Variants in ESS2 observed in about 807,000 individuals in gnomAD.
The protein encoded by ESS2 is ess-2 spliceosome associated protein, also known as splicing factor ESS-2 homolog.
ESS2 carries 31 observed loss-of-function variants against 52.0 expected under a neutral mutation model. That is an observed-to-expected ratio of 0.60 (90% CI 0.45 to 0.81). ESS2 has a LOEUF of 0.81. Among genes scored for constraint, ESS2 ranks in the 30% least tolerant of loss-of-function variants. The pLI, the probability that ESS2 is intolerant of heterozygous loss-of-function variation, is 0.00. For synonymous variants in ESS2, 285 were observed against 259.2 expected (o/e 1.10, Z -0.95); for missense variants, 602 against 637.2 (o/e 0.94, Z 0.59).
Position 19,139,059 on chromosome 22 carries a change from C to T in ESS2, c.822+100G>A, listed in dbSNP as rs115990583. ...ACAGGGCCCCAGATGGTTCCACTCACTGAGCTCTGCCAAGCTCAAAGAGAT... is the reference window on the plus strand; with the variant it reads ...ACAGGGCCCCAGATGGTTCCACTCATTGAGCTCTGCCAAGCTCAAAGAGAT... On this transcript the variant is annotated intron_variant, in intron 6 of 9. Coordinates refer to ENST00000252137, the MANE Select transcript of ESS2 (RefSeq NM_022719.3). 3.1e-3 allele frequency: 4,477 copies of T among 1,445,806 alleles called. 119 individuals are homozygous for T. In the African/African-American group the frequency reaches 0.057, roughly 18 times the overall value. The allele number at this position is 1,445,806 out of a possible 1,614,324, so 89.6% of individuals were successfully genotyped here.
intron 1 of ESS2, among the ~76,000 whole-genome samples, chr22:19,143,593 C>T (rs934179065): frequency 7.9e-5 from 12 of 152,210 alleles, no homozygotes; most frequent in African/African-American, 4.8e-5. Context: ...TGGTAGCTCA[C>T]GCCTGTAATC....
Position 19,134,043 on chromosome 22 carries a change from GGCCCCAGCACA to G in ESS2, c.*142_*152del. Reference sequence around the variant, plus strand: ...GGGCACGAGTGCCTTGTGCCAGTCTGGCCCCAGCACAGCCCCTTTCTCCAGTGACTCCTGGT... The same window carrying G: ...GGGCACGAGTGCCTTGTGCCAGTCTGGCCCCTTTCTCCAGTGACTCCTGGT... On this transcript the variant is annotated 3_prime_UTR_variant, in exon 10 of 10. Transcript: ENST00000252137. 1.1e-6 allele frequency: 1 copy of G among 943,796 alleles called. No homozygotes were observed. 58.5% of individuals were successfully genotyped at this position (943,796 alleles called of 1,614,324 possible).
chr22:19,138,373 G>T, intron 6 of ESS2, 56 bp from the exon 7 acceptor site: 2 of 1,509,258 alleles, frequency 1.3e-6, no homozygotes, highest in Non-Finnish European at 1.8e-6. Context: ...CTCGACAGCT[G>T]GCCGGTGGGC....
rs1236250422 is a variant in ESS2, at chr22:19,130,819, G to T, written c.*3377C>A. Reference sequence around the variant, plus strand: ...ATTTAACTATGTGCTCAATGGTAAGGCAGTGCTGTGGAAATCTGTCTGTGT... The same window carrying T: ...ATTTAACTATGTGCTCAATGGTAAGTCAGTGCTGTGGAAATCTGTCTGTGT... On this transcript the variant is annotated 3_prime_UTR_variant, in exon 10 of 10. Transcript: ENST00000252137. The T allele has an allele frequency of 4.6e-5, 9 of 196,048 alleles. No homozygotes were observed. The allele number at this position is 196,048 out of a possible 1,614,324, so 12.1% of individuals were successfully genotyped here.
intron 8 of ESS2, among the ~76,000 whole-genome samples, chr22:19,137,035 C>T (rs376115228): frequency 6.6e-6 from 1 of 152,152 alleles, no homozygotes; most frequent in African/African-American, 2.4e-5. Context: ...GAGCTCCTCA[C>T]GTGTCTGTGA....
chr22:19,139,763 A>G, intron 4 of ESS2, 34 bp from the exon 5 acceptor site: 1 of 1,614,008 alleles, frequency 6.2e-7, no homozygotes, highest in Non-Finnish European at 8.5e-7. Flanking sequence ...ATGGTCAGAG[A>G]TGCCCCTGGG....
chr22:19,138,012 G>C (rs545652593), intron 7 of ESS2: 39 of 985,420 alleles, frequency 4.0e-5, no homozygotes, highest in Non-Finnish European at 4.6e-5. Context: ...AGGTCTGCCT[G>C]AGAGTCCAGC....
intron 4 of ESS2, 43 bp from the exon 5 acceptor site, chr22:19,139,772 G>C: frequency 6.2e-7 from 1 of 1,613,900 alleles, no homozygotes; most frequent in Non-Finnish European, 8.5e-7. Flanking sequence ...GATGCCCCTG[G>C]GCATTGTACC....
In ESS2 at chr22:19,142,647, G is replaced by T. The variant is rs558370472; in HGVS notation, c.305-14C>A. ...CTGGAGTCACATCTAGGGGAAGAGA[G>T]GGGGATAAGAATTAGAGTGAGCCTG... On this transcript the variant is annotated splice_polypyrimidine_tract_variant and intron_variant, in intron 2 of 9. Coordinates refer to ENST00000252137, the MANE Select transcript of ESS2 (RefSeq NM_022719.3). 556 of 1,611,426 alleles carry T rather than the reference G, an allele frequency of 3.5e-4. 6 individuals are homozygous for T. In the South Asian group the frequency reaches 5.6e-3, roughly 16 times the overall value.
Position 19,132,481 on chromosome 22 carries a change from A to G in ESS2, c.*1715T>C, listed in dbSNP as rs1272574833. 3 of 1,602,958 alleles carry G rather than the reference A, an allele frequency of 1.9e-6. No homozygotes were observed. Among genetic ancestry groups the G allele is most frequent in the Admixed American group, 1.7e-5 (1 of 59,390 alleles). ...GTGGGGAAAGCAAGCACCTAGCATG[A>G]CAATGGCCCCGTTGTGTGTGGTGGG... is the stretch of plus-strand genomic sequence containing the variant. On this transcript the variant is annotated 3_prime_UTR_variant, in exon 10 of 10. Transcript: ENST00000252137. The surrounding 1 kb of genome is among the most constrained non-coding windows in gnomAD (Gnocchi z 4.2).
chr22:19,138,186 AC>A, intron 7 of ESS2, 28 bp downstream of exon 7: 2 of 1,610,728 alleles, frequency 1.2e-6, no homozygotes, highest in Non-Finnish European at 1.7e-6. Context: ...CCAGCAGTAG[AC>A]CCACTTGCCA....
rs1052756 is a variant in ESS2 at position 19,132,173 on chromosome 22, C to T, written c.*2023G>A. On this transcript the variant is annotated 3_prime_UTR_variant, in exon 10 of 10. Transcript: ENST00000252137. The surrounding 1 kb of genome is among the most constrained non-coding windows in gnomAD (Gnocchi z 4.2). ...ACCGCATGCTGCAGCCCGACGTCAG[C>T]CAGCGGCTCCACATCGATGAGATCC... The T allele has an allele frequency of 0.17, 277,503 of 1,612,760 alleles. 25,300 individuals are homozygous for T. Among genetic ancestry groups the T allele is most frequent in the South Asian group, 0.27 (24,614 of 91,036 alleles).
Position 19,142,881 on chromosome 22 carries a change from A to G in ESS2, c.149T>C (p.Val50Ala), listed in dbSNP as rs1305839151. 6.2e-7 allele frequency: 1 copy of G among 1,613,540 alleles called. No individual in the cohort carries two copies. The highest frequency in any genetic ancestry group is 8.5e-7 in the Non-Finnish European group (1 of 1,179,818). Reference sequence around the variant, plus strand: ...ATCAGGAAAGAAATCCCTTTGGATGACCGTCTGGAGGCCCTGCAAGGAGAG... The same window carrying G: ...ATCAGGAAAGAAATCCCTTTGGATGGCCGTCTGGAGGCCCTGCAAGGAGAG... ...EEEYIEGLQTVIQRDFFPDVE... is the reference protein window; with the variant it reads ...EEEYIEGLQTAIQRDFFPDVE... The change falls in exon 2 of 10, where the codon GTC (valine) becomes GCC (alanine). Residue 50 changes from valine to alanine, a missense_variant. Transcript: ENST00000252137.
At chr22:19,136,685 C>A (rs192649666) in intron 8 of ESS2, among the ~76,000 whole-genome samples, 1 of 152,280 alleles carries the variant, frequency 6.6e-6, no homozygotes, top group Admixed American at 6.5e-5. Flanking sequence ...GCACGGCATC[C>A]TCTTCATTAT....
chr22:19,132,598 G>T lies in ESS2; in HGVS notation c.*1598C>A. ...GAAGGCACAGGTGCAAGTAAAATTC[G>T]TCAATTAAACCACTATTTTGATTAC... is the stretch of plus-strand genomic sequence containing the variant. On this transcript the variant is annotated 3_prime_UTR_variant, in exon 10 of 10. Coordinates refer to ENST00000252137, the MANE Select transcript of ESS2 (RefSeq NM_022719.3). The surrounding 1 kb of genome is among the most constrained non-coding windows in gnomAD (Gnocchi z 4.2). 1 of 1,007,616 alleles carries T rather than the reference G, an allele frequency of 9.9e-7. No individual in the cohort carries two copies. Among genetic ancestry groups the T allele is most frequent in the Non-Finnish European group, 1.5e-6 (1 of 672,644 alleles). The allele number at this position is 1,007,616 out of a possible 1,614,324, so 62.4% of individuals were successfully genotyped here. A position where few individuals can be genotyped will look rare whatever the true frequency, so the allele number is the denominator to read the frequency against.
Position 19,134,222 on chromosome 22 carries a change from G to C in ESS2, c.1405C>G (p.Arg469Gly), listed in dbSNP as rs375484595. ...ITDNLLQLPA[R>G]RKASDFF ...TAAAAGAAGTCCGAAGCTTTGCGCC[G>C]GGCAGGGAGCTGCAGCAGGTTGTCC... Residue 469 changes from arginine (R) to glycine (G), a missense_variant, in exon 10 of 10, where the codon CGG becomes GGG. Arg to Gly is a moderately radical substitution (Grantham distance 125, BLOSUM62 -2). Coordinates refer to ENST00000252137, the MANE Select transcript of ESS2 (RefSeq NM_022719.3). 1 of 1,528,942 alleles carries C rather than the reference G, an allele frequency of 6.5e-7. No individual in the cohort carries two copies. The highest frequency in any genetic ancestry group is 1.4e-5 in the African/African-American group (1 of 71,852). 94.7% of individuals were successfully genotyped at this position (1,528,942 alleles called of 1,614,324 possible).
Position 19,132,300 on chromosome 22 carries a change from A to G in ESS2, c.*1896T>C. 1 of 1,613,546 alleles carries G rather than the reference A, an allele frequency of 6.2e-7. No individual in the cohort carries two copies. Among genetic ancestry groups the G allele is most frequent in the East Asian group, 2.2e-5 (1 of 44,876 alleles). On this transcript the variant is annotated 3_prime_UTR_variant, in exon 10 of 10. Transcript: ENST00000252137. This position sits in a 1 kb window ranked among gnomAD's most constrained non-coding sequence, Gnocchi z 4.2. ...GTACCGCGCTGAGTGCAAACTGGAC[A>G]CCAAGACAGGCTTGAGGCCCGACCA...
At position 19,134,218 on chromosome 22, in the gene ESS2, C is replaced by T. The variant is rs200628413; in HGVS notation, c.1409G>A (p.Arg470His). The T allele has an allele frequency of 4.3e-5, 65 of 1,521,726 alleles. No homozygotes were observed. Among genetic ancestry groups the T allele is most frequent in the Non-Finnish European group, 5.1e-5 (58 of 1,133,364 alleles). The allele number at this position is 1,521,726 out of a possible 1,614,324, so 94.3% of individuals were successfully genotyped here. ...TDNLLQLPARRKASDFF is the reference protein window; with the variant it reads ...TDNLLQLPARHKASDFF ...GCTCTAAAAGAAGTCCGAAGCTTTG[C>T]GCCGGGCAGGGAGCTGCAGCAGGTT... The change falls in exon 10 of 10, where the codon CGC becomes CAC. Residue 470 changes from arginine (R) to histidine (H), a missense_variant. Physicochemically the swap from Arg to His is conservative, Grantham distance 29. Coordinates refer to ENST00000252137, the MANE Select transcript of ESS2 (RefSeq NM_022719.3).
chr22:19,135,228 C>T (rs2083562254), intron 8 of ESS2, 53 bp from the exon 9 acceptor site: 3 of 1,459,462 alleles, frequency 2.1e-6, no homozygotes, highest in Admixed American at 3.5e-5. Context: ...ACACGCCAGG[C>T]AGCCCCTCAC....
Sources: allele counts gnomAD v4.1 joint callset (sites outside exome capture counted in the v4.1 genomes callset), GRCh38; gene constraint gnomAD v4.1.1; non-coding constraint Gnocchi (gnomAD v3.1); transcripts MANE v1.5; gene names NCBI Gene and HGNC (gene_info 2026-07-23, HGNC 2026-07-21).